Variants in TUSC3 observed in about 807,000 individuals in gnomAD.
The protein encoded by TUSC3 is tumor suppressor candidate 3, also known as dolichyl-diphosphooligosaccharide--protein glycosyltransferase subunit TUSC3.
In TUSC3, 45 loss-of-function variants were observed where a neutral mutation model predicts 44.8. The observed-to-expected ratio is 1.00, with a 90% CI of 0.79 to 1.29. The LOEUF (loss-of-function observed/expected upper bound fraction) is 1.29. Among genes scored for constraint, TUSC3 ranks in the 50% most tolerant of loss-of-function variants. The probability of loss-of-function intolerance (pLI) is 0.00; values close to 1 mark genes in which losing one functional copy is unlikely to be tolerated. For synonymous variants in TUSC3, 212 were observed against 152.9 expected (o/e 1.39, Z -2.85); for missense variants, 519 against 437.9 (o/e 1.19, Z -1.65).
intron 10 of TUSC3, among the ~76,000 whole-genome samples, chr8:15,759,650 A>T (rs1242228242): frequency 1.3e-5 from 2 of 152,054 alleles, no homozygotes; most frequent in Non-Finnish European, 2.9e-5. Context: ...ATTTTAGTTG[A>T]CAAGCCCCTC....
the TUSC3 span, among the ~76,000 whole-genome samples, chr8:15,788,826 C>A: frequency 5.9e-5 from 9 of 152,252 alleles, no homozygotes; most frequent in Admixed American, 5.2e-4. Flanking sequence ...AGGTAAGTTG[C>A]AAAGCCACTC....
chr8:15,744,246 TCA>T (rs1811312434), intron 8 of TUSC3, among the ~76,000 whole-genome samples: 1 of 152,110 alleles, frequency 6.6e-6, no homozygotes, highest in Admixed American at 6.6e-5. Context: ...ACCATTTCTC[TCA>T]GAGTTGTAGA....
At chr8:15,619,493 A>G (rs79293945) in intron 1 of TUSC3, among the ~76,000 whole-genome samples, 5,500 of 144,398 alleles carry the variant, frequency 0.038, 146 homozygotes, top group African/African-American at 0.081. Context: ...TTTATTCCAT[A>G]TATTTTTTTT....
chr8:15,708,200 A>G (rs981078925), intron 6 of TUSC3, among the ~76,000 whole-genome samples: 6 of 151,842 alleles, frequency 4.0e-5, no homozygotes, highest in Non-Finnish European at 7.4e-5. Context: ...AAAATACCCA[A>G]AGGCCTAGAG....
upstream of TUSC3, among the ~76,000 whole-genome samples, chr8:15,539,634 G>C (rs1420592653): frequency 6.6e-6 from 1 of 152,126 alleles, no homozygotes; most frequent in African/African-American, 2.4e-5. Context: ...TTACAGGCAT[G>C]AGCCACCATG....
intron 9 of TUSC3, among the ~76,000 whole-genome samples, chr8:15,749,277 A>G (rs548507638): frequency 8.5e-4 from 129 of 152,264 alleles, no homozygotes; most frequent in African/African-American, 3.0e-3. Context: ...AAGCTCCTCA[A>G]AGCCTACATT....
chr8:15,761,013 G>GGGCCA (rs1230874883), intron 10 of TUSC3, among the ~76,000 whole-genome samples: 1 of 152,084 alleles, frequency 6.6e-6, no homozygotes, highest in Non-Finnish European at 1.5e-5. Flanking sequence ...AGAAATGTAA[G>GGGCCA]GGCCATGACT....
intron 5 of TUSC3, 61 bp from the exon 6 acceptor site, chr8:15,673,686 G>C: frequency 2.3e-6 from 3 of 1,310,092 alleles, no homozygotes; most frequent in Non-Finnish European, 3.3e-6. Flanking sequence ...TTGTCTTTTA[G>C]AAATGCATTA....
rs1407257182 is a variant in TUSC3 at position 15,743,723 on chromosome 8, C to G, written c.937+111C>G. The G allele has an allele frequency of 1.4e-5, 17 of 1,210,554 alleles. No individual in the cohort carries two copies. In the East Asian group the frequency reaches 3.5e-4, roughly 25 times the overall value. 75.0% of individuals were successfully genotyped at this position (1,210,554 alleles called of 1,614,324 possible). On this transcript the variant is annotated intron_variant, in intron 8 of 10. Transcript: ENST00000503731. ...GTAAACAAACTTCTAAAGAAATGTT[C>G]TGGTTTGAAGAAGATTTTAACTTTT...
the TUSC3 span, among the ~76,000 whole-genome samples, chr8:15,779,062 G>T: frequency 6.6e-6 from 1 of 151,096 alleles, no homozygotes; most frequent in Non-Finnish European, 1.5e-5. Flanking sequence ...ATACATCCTG[G>T]GTAAGTACTA....
the TUSC3 span, among the ~76,000 whole-genome samples, chr8:15,848,668 G>T: frequency 6.6e-6 from 1 of 152,198 alleles, no homozygotes; most frequent in African/African-American, 2.4e-5. Flanking sequence ...CCACTGTCCA[G>T]TGACAGTCAA....
At chr8:15,540,041 A>C (rs761614426), upstream of TUSC3, among the ~76,000 whole-genome samples, 4 of 152,156 alleles carry the variant, frequency 2.6e-5, no homozygotes, top group African/African-American at 9.7e-5. Context: ...GCCCCAGGTA[A>C]AGTGCTGGAC....
At chr8:15,829,004 G>C in the TUSC3 span, among the ~76,000 whole-genome samples, 1 of 152,104 alleles carries the variant, frequency 6.6e-6, no homozygotes, top group African/African-American at 2.4e-5. Flanking sequence ...TTCTAGCAGA[G>C]TTCCTGCCAA....
At chr8:15,753,452 C>A (rs560007424) in intron 9 of TUSC3, among the ~76,000 whole-genome samples, 39 of 152,144 alleles carry the variant, frequency 2.6e-4, no homozygotes, top group African/African-American at 8.7e-4. Flanking sequence ...TATAACTGTT[C>A]CCTTCATGAC....
At chr8:15,637,009 T>G (rs1036700589) in intron 2 of TUSC3, among the ~76,000 whole-genome samples, 9 of 152,242 alleles carry the variant, frequency 5.9e-5, no homozygotes, top group African/African-American at 2.2e-4. Context: ...ATTTTTTCAC[T>G]GAAGTCTGAT....
At chr8:15,470,250 C>T (rs1800470236) in intron 1 of TUSC3, among the ~76,000 whole-genome samples, 2 of 144,550 alleles carry the variant, frequency 1.4e-5, no homozygotes, top group Admixed American at 1.4e-4. Flanking sequence ...CAGAGAAAGA[C>T]CCTGTCTCAA....
At position 15,566,123 on chromosome 8, in the gene TUSC3, C is replaced by G. The variant is rs372124977; in HGVS notation, c.138+25555C>G. Reference sequence around the variant, plus strand: ...CTGAACTAACTTACTGGTATGCATTCTCAGTGTCTTCTCTAGACAACGTTA... The same window carrying G: ...CTGAACTAACTTACTGGTATGCATTGTCAGTGTCTTCTCTAGACAACGTTA... On this transcript the variant is annotated intron_variant, in intron 1 of 10. Coordinates refer to ENST00000503731, the MANE Select transcript of TUSC3 (RefSeq NM_006765.4). 2.0e-4 allele frequency among the ~76,000 whole-genome samples: 30 copies of G among 152,262 alleles called. No homozygotes were observed. The East Asian group carries it at 5.0e-3, about 25-fold the overall frequency.
intron 6 of TUSC3, among the ~76,000 whole-genome samples, chr8:15,722,491 G>C (rs1011821972): frequency 6.6e-6 from 1 of 151,908 alleles, no homozygotes; most frequent in African/African-American, 2.4e-5. Context: ...TCTCCAAAAG[G>C]CTCAGTTTCT....
intron 1 of TUSC3, among the ~76,000 whole-genome samples, chr8:15,616,315 C>G (rs904930566): frequency 6.6e-6 from 1 of 152,162 alleles, no homozygotes; most frequent in Admixed American, 6.5e-5. Context: ...TGGTGGCTCA[C>G]GCCAGTAATC....
Sources: gnomAD v4.1 joint callset for allele counts (sites outside exome capture counted in the v4.1 genomes callset) on GRCh38, gnomAD v4.1.1 for gene constraint, MANE v1.5 for transcripts, NCBI Gene and HGNC (gene_info 2026-07-23, HGNC 2026-07-21) for gene names.